The following ASTN2 variants were observed in gnomAD, a reference collection of about 807,000 sequenced individuals.
ASTN2 encodes astrotactin 2.
Under a neutral mutation model 139.8 loss-of-function variants are expected in ASTN2, and 54 were observed. That is an observed-to-expected ratio of 0.39 (90% confidence interval 0.31 to 0.48). The LOEUF is 0.48. Among genes scored for constraint, ASTN2 ranks in the 20% least tolerant of loss-of-function variants. The probability of loss-of-function intolerance (pLI) is 0.95; values close to 1 mark genes in which losing one functional copy is unlikely to be tolerated. For synonymous variants in ASTN2, 756 were observed against 719.5 expected (o/e 1.05, Z -0.81); for missense variants, 1,565 against 1,725.1 (o/e 0.91, Z 1.64).
chr9:116,580,665 G>C (rs572173210), intron 19 of ASTN2, among the ~76,000 whole-genome samples: 1 of 152,312 alleles, frequency 6.6e-6, no homozygotes, highest in East Asian at 1.9e-4. Flanking sequence ...GATCCCAGAA[G>C]TGGGAGGTGC....
Position 116,748,836 on chromosome 9 carries a change from C to T in ASTN2, c.2397-15313G>A, listed in dbSNP as rs1478406993. Among the ~76,000 whole-genome samples the T allele has an allele frequency of 5.3e-5, 8 of 152,204 alleles. No individual in the cohort carries two copies. The East Asian group carries it at 1.2e-3, about 22-fold the overall frequency. On this transcript the variant is annotated intron_variant, in intron 13 of 22. Coordinates refer to ENST00000313400, the MANE Select transcript of ASTN2 (RefSeq NM_001365068.1). Reference sequence around the variant, plus strand: ...GTGTGATCTTGAGCAAGTCATTTCCCATCTCTAGGGAGTGTTTAAGTCCTG... The same window carrying T: ...GTGTGATCTTGAGCAAGTCATTTCCTATCTCTAGGGAGTGTTTAAGTCCTG...
At chr9:117,329,246 A>G (rs1302282465) in intron 1 of ASTN2, among the ~76,000 whole-genome samples, 1 of 147,532 alleles carries the variant, frequency 6.8e-6, no homozygotes, top group Non-Finnish European at 1.5e-5. Context: ...CTACCCTTTA[A>G]AATAATTGAA....
At position 117,190,609 on chromosome 9, in the gene ASTN2, T is replaced by C. The variant is rs150755660; in HGVS notation, c.1015+23749A>G. 2.7e-3 allele frequency among the ~76,000 whole-genome samples: 409 copies of C among 152,288 alleles called. 2 individuals are homozygous for C. The highest frequency in any genetic ancestry group is 5.5e-3 in the Admixed American group (84 of 15,290). On this transcript the variant is annotated intron_variant, in intron 3 of 22. Coordinates refer to ENST00000313400, the MANE Select transcript of ASTN2 (RefSeq NM_001365068.1). ...TTTATTCTAGTGCTCTCTCTCTCAATGCTACTCCTCCCTATTCCTCTAGTG... is the reference window on the plus strand; with the variant it reads ...TTTATTCTAGTGCTCTCTCTCTCAACGCTACTCCTCCCTATTCCTCTAGTG...
intron 19 of ASTN2, among the ~76,000 whole-genome samples, chr9:116,518,601 A>T (rs1850744952): frequency 6.6e-6 from 1 of 152,110 alleles, no homozygotes; most frequent in African/African-American, 2.4e-5. Context: ...TAACACAATT[A>T]AAAAAAGAAA....
At position 117,121,421 on chromosome 9, in the gene ASTN2, C is replaced by T. The variant is rs151144311; in HGVS notation, c.1168+19905G>A. On this transcript the variant is annotated intron_variant, in intron 4 of 22. Transcript: ENST00000313400. ...CCCTTGCAAAATAAAGAATAAATTA[C>T]TGCATCTCACAGCTCACACCTCCAG... Among the ~76,000 whole-genome samples, 369 of 152,296 alleles carry T rather than the reference C, an allele frequency of 2.4e-3. 2 individuals are homozygous for T. The highest frequency in any genetic ancestry group is 8.1e-3 in the African/African-American group (337 of 41,568).
intron 6 of ASTN2, among the ~76,000 whole-genome samples, chr9:117,030,931 T>C (rs1838229992): frequency 6.6e-6 from 1 of 152,190 alleles, no homozygotes; most frequent in Non-Finnish European, 1.5e-5. Flanking sequence ...AAGCCTAGCC[T>C]TGCCTTCTCC....
chr9:117,296,598 G>T (rs961214525), intron 1 of ASTN2, among the ~76,000 whole-genome samples: 1 of 152,180 alleles, frequency 6.6e-6, no homozygotes, highest in Non-Finnish European at 1.5e-5. Context: ...TTAAGCAAAA[G>T]GGGGACTAAA....
chr9:117,184,742 T>G (rs1181767758), intron 3 of ASTN2, among the ~76,000 whole-genome samples: 1 of 152,154 alleles, frequency 6.6e-6, no homozygotes, highest in Non-Finnish European at 1.5e-5. Context: ...CTTCCACTGA[T>G]TTTAATGTAT....
chr9:117,289,788 G>A (rs1834541582), intron 2 of ASTN2, among the ~76,000 whole-genome samples: 1 of 152,146 alleles, frequency 6.6e-6, no homozygotes. Flanking sequence ...TGCATCATTT[G>A]CTAAATATAC....
chr9:116,748,088 C>T (rs867673557), intron 13 of ASTN2, among the ~76,000 whole-genome samples: 2 of 152,142 alleles, frequency 1.3e-5, no homozygotes, highest in Non-Finnish European at 2.9e-5. Context: ...GTGAAAGGCC[C>T]TCACACCTTG....
intron 19 of ASTN2, among the ~76,000 whole-genome samples, chr9:116,549,411 A>G (rs954834598): frequency 1.2e-4 from 19 of 152,326 alleles, no homozygotes; most frequent in Admixed American, 3.3e-4. Context: ...TCTGAGCCAC[A>G]CTTGGCTGTA....
At chr9:116,764,777 TGTC>T (rs1433423748) in intron 13 of ASTN2, among the ~76,000 whole-genome samples, 1 of 152,228 alleles carries the variant, frequency 6.6e-6, no homozygotes, top group African/African-American at 2.4e-5. Flanking sequence ...CTGATATAAT[TGTC>T]GTCCTACATT....
At chr9:116,730,345 C>CT (rs905935440) in intron 14 of ASTN2, among the ~76,000 whole-genome samples, 72 of 147,674 alleles carry the variant, frequency 4.9e-4, no homozygotes, top group South Asian at 6.4e-4. Flanking sequence ...TTACTGTCAA[C>CT]TTTTTTTTTT....
At chr9:116,789,495 T>C (rs1181029598) in intron 13 of ASTN2, among the ~76,000 whole-genome samples, 1 of 152,212 alleles carries the variant, frequency 6.6e-6, no homozygotes, top group Non-Finnish European at 1.5e-5. Context: ...TTATCATTAA[T>C]AGTAATTATT....
chr9:116,616,960 CAA>C (rs1855890068), intron 19 of ASTN2, among the ~76,000 whole-genome samples: 2 of 152,150 alleles, frequency 1.3e-5, no homozygotes, highest in Admixed American at 1.3e-4. Context: ...CATACAGAGT[CAA>C]AAGTCAGAAT....
At chr9:116,482,268 G>A (rs541849998) in intron 20 of ASTN2, among the ~76,000 whole-genome samples, 11 of 152,140 alleles carry the variant, frequency 7.2e-5, no homozygotes, top group Non-Finnish European at 1.3e-4. Flanking sequence ...GGAGCTTGCA[G>A]TGAGCCAAGA....
intron 20 of ASTN2, among the ~76,000 whole-genome samples, chr9:116,466,845 C>T (rs1480055312): frequency 6.6e-6 from 1 of 152,160 alleles, no homozygotes; most frequent in East Asian, 1.9e-4. Flanking sequence ...TCTGTTTTCT[C>T]ATCTGTAGAA....
chr9:117,259,100 C>T (rs1414183), intron 2 of ASTN2, among the ~76,000 whole-genome samples: 41,250 of 152,036 alleles, frequency 0.27, 5,938 homozygotes, highest in Middle Eastern at 0.31. Context: ...CCTCCCAGTA[C>T]CTCTGAGAGC....
At chr9:117,086,407 T>A (rs1408306569) in intron 5 of ASTN2, among the ~76,000 whole-genome samples, 1 of 152,130 alleles carries the variant, frequency 6.6e-6, no homozygotes, top group Non-Finnish European at 1.5e-5. Context: ...ACCCCATCTC[T>A]ACTAAAAATA....
Sources: gnomAD v4.1 joint callset for allele counts (sites outside exome capture counted in the v4.1 genomes callset) on GRCh38, gnomAD v4.1.1 for gene constraint, MANE v1.5 for transcripts, NCBI Gene and HGNC (gene_info 2026-07-23, HGNC 2026-07-21) for gene names.